The following BSND variants were observed in gnomAD, a reference collection of about 807,000 sequenced individuals.
The protein encoded by BSND is barttin CLCNK type accessory subunit beta, also known as barttin.
In BSND, 13 loss-of-function variants were observed where a neutral mutation model predicts 18.8. The observed-to-expected ratio is 0.69, with a 90% confidence interval of 0.45 to 1.10. The LOEUF (loss-of-function observed/expected upper bound fraction) is 1.10, where lower values mean the gene tolerates loss of function less well. Ranked by LOEUF, BSND falls within the 50% of genes least tolerant of loss-of-function variation. BSND has a pLI of 0.00. For missense variants in BSND, 379 were observed against 416.7 expected (o/e 0.91, Z 0.79); for synonymous variants, 170 against 161.8 (o/e 1.05, Z -0.39).
At chr1:55,007,731 C>G (rs944109914) in intron 3 of BSND, among the ~76,000 whole-genome samples, 3 of 151,600 alleles carry the variant, frequency 2.0e-5, no homozygotes, top group Non-Finnish European at 4.4e-5. Context: ...CCACTCCACT[C>G]CCATCCCTGT....
At chr1:55,007,406 GAGATGTGGC>G (rs1644397419) in intron 3 of BSND, 134 bp downstream of exon 3, 11 of 1,198,716 alleles carry the variant, frequency 9.2e-6, no homozygotes, top group Non-Finnish European at 1.3e-5. Context: ...GGGACACCCT[GAGATGTGGC>G]AGATGTGGCA....
chr1:55,002,136 C>T (rs1178143623), intron 1 of BSND, among the ~76,000 whole-genome samples: 1 of 152,192 alleles, frequency 6.6e-6, no homozygotes, highest in Non-Finnish European at 1.5e-5. Context: ...AAACACAAAG[C>T]TGTAGGAACT....
intron 1 of BSND, among the ~76,000 whole-genome samples, chr1:55,002,032 G>A (rs1330152540): frequency 6.6e-6 from 1 of 152,128 alleles, no homozygotes; most frequent in Non-Finnish European, 1.5e-5. Context: ...AAGACATCCA[G>A]AAGAAGGAAG....
rs1644431680 is a variant in BSND at position 55,013,298 on chromosome 1, G to A, written c.*4670G>A. ...CCTGCCTCAGCCTCCCAAGTAGCTA[G>A]GATTACAGGCGCCTGCCACCACACC... On this transcript the variant is annotated 3_prime_UTR_variant, in exon 4 of 4. Transcript: ENST00000651561. Among the ~76,000 whole-genome samples, 1 of 152,152 alleles carries A rather than the reference G, an allele frequency of 6.6e-6. No homozygotes were observed. The highest frequency in any genetic ancestry group is 1.9e-4 in the East Asian group (1 of 5,200).
chr1:55,001,569 A>G (rs1008202522), intron 1 of BSND, among the ~76,000 whole-genome samples: 13 of 152,300 alleles, frequency 8.5e-5, no homozygotes, highest in Admixed American at 8.5e-4. Flanking sequence ...TCTCTGTGCC[A>G]GACCTATGGA....
rs950488534 is a variant in BSND at position 55,016,047 on chromosome 1, C to G, written c.*7419C>G. On this transcript the variant is annotated 3_prime_UTR_variant, in exon 4 of 4. Coordinates refer to ENST00000651561, the MANE Select transcript of BSND (RefSeq NM_057176.3). ...GGAGAAGACGTGGGTGAGTGAGTGACTGGGGACTGGACCAGGGCGGGCTGT... is the reference window on the plus strand; with the variant it reads ...GGAGAAGACGTGGGTGAGTGAGTGAGTGGGGACTGGACCAGGGCGGGCTGT... 6.6e-6 allele frequency among the ~76,000 whole-genome samples: 1 copy of G among 152,190 alleles called. No homozygotes were observed. The highest frequency in any genetic ancestry group is 2.4e-5 in the African/African-American group (1 of 41,454).
At chr1:55,006,189 A>C (rs1398084776) in intron 2 of BSND, among the ~76,000 whole-genome samples, 1 of 152,150 alleles carries the variant, frequency 6.6e-6, no homozygotes, top group East Asian at 1.9e-4. Context: ...GTGGGAAGGA[A>C]GGGGATAGAC....
rs143638617 is a variant in BSND at position 55,007,861 on chromosome 1, T to C, written c.549-353T>C. On this transcript the variant is annotated intron_variant, in intron 3 of 3. Coordinates refer to ENST00000651561, the MANE Select transcript of BSND (RefSeq NM_057176.3). ...TACCCCTGAGGAGCTCTGAGTCCAA[T>C]GAGGGAGGCAAAGACACCCGGGGAC... Among the ~76,000 whole-genome samples, 30 of 152,260 alleles carry C rather than the reference T, an allele frequency of 2.0e-4. No homozygotes were observed. In the East Asian group the frequency reaches 5.8e-3, roughly 29 times the overall value.
chr1:55,013,438 C>G lies in BSND; in HGVS notation c.*4810C>G, dbSNP rs1227803759. 6.6e-6 allele frequency among the ~76,000 whole-genome samples: 1 copy of G among 152,182 alleles called. No homozygotes were observed. Among genetic ancestry groups the G allele is most frequent in the East Asian group, 1.9e-4 (1 of 5,200 alleles). On this transcript the variant is annotated 3_prime_UTR_variant, in exon 4 of 4. Coordinates refer to ENST00000651561, the MANE Select transcript of BSND (RefSeq NM_057176.3). ...TCAGCCTCCCAAAGTGCTGGCATTA[C>G]AGGTGTGAGTCACTGCACCCAGCTG...
chr1:55,003,676 G>T (rs1435854425), intron 1 of BSND, among the ~76,000 whole-genome samples: 1 of 152,144 alleles, frequency 6.6e-6, no homozygotes, highest in African/African-American at 2.4e-5. Context: ...ATTTTCAGCC[G>T]AGGAGAGCAA....
In BSND at chr1:55,013,082, C is replaced by T. The variant is rs1490101933; in HGVS notation, c.*4454C>T. Among the ~76,000 whole-genome samples, 2 of 152,212 alleles carry T rather than the reference C, an allele frequency of 1.3e-5. No homozygotes were observed. The highest frequency in any genetic ancestry group is 2.9e-5 in the Non-Finnish European group (2 of 68,048). On this transcript the variant is annotated 3_prime_UTR_variant, in exon 4 of 4. Coordinates refer to ENST00000651561, the MANE Select transcript of BSND (RefSeq NM_057176.3). ...CCACGTCATAAGACTCAACAATGCA[C>T]CTGTTGTGCTGTGCACACTTTTCTT...
chr1:55,005,462 A>G (rs955280062), intron 2 of BSND, among the ~76,000 whole-genome samples: 2 of 152,228 alleles, frequency 1.3e-5, no homozygotes, highest in African/African-American at 4.8e-5. Context: ...CTACTGACAA[A>G]CAAGAGGCAT....
In BSND at chr1:54,999,080, C is replaced by A; in HGVS notation, c.-107C>A. 3 of 1,386,398 alleles carry A rather than the reference C, an allele frequency of 2.2e-6. No individual in the cohort carries two copies. The highest frequency in any genetic ancestry group is 3.0e-6 in the Non-Finnish European group (3 of 993,396). 85.9% of individuals were successfully genotyped at this position (1,386,398 alleles called of 1,614,324 possible). A position where few individuals can be genotyped will look rare whatever the true frequency, so the allele number is the denominator to read the frequency against. Reference sequence around the variant, plus strand: ...TCTCCCTTGAAGCCTTGAGTTGCAGCGATTTCAGTGTCTTCTCTCCCTGTG... The same window carrying A: ...TCTCCCTTGAAGCCTTGAGTTGCAGAGATTTCAGTGTCTTCTCTCCCTGTG... On this transcript the variant is annotated 5_prime_UTR_variant, in exon 1 of 4. Transcript: ENST00000651561.
chr1:55,002,144 A>G (rs533153506), intron 1 of BSND, among the ~76,000 whole-genome samples: 1 of 152,342 alleles, frequency 6.6e-6, no homozygotes, highest in South Asian at 2.1e-4. Context: ...AGCTGTAGGA[A>G]CTAAGGTGAC....
intron 1 of BSND, among the ~76,000 whole-genome samples, chr1:55,001,201 CGTGTGTGTGTGTGTGT>C (rs36051858): frequency 8.8e-4 from 121 of 137,008 alleles, no homozygotes; most frequent in African/African-American, 3.1e-3. Flanking sequence ...ACAGTGGGAT[CGTGTGTGTGTGTGTGT>C]GTGTGTGTGT....
chr1:55,008,340 A>G lies in BSND; in HGVS notation c.675A>G (p.Gln225=). ...PHDREEACSP[Q]QEPQGCRCPL... ...ACAGGGAGGAAGCTTGTTCCCCACAACAGGAACCTCAGGGCTGCAGGTGCC... is the reference window on the plus strand; with the variant it reads ...ACAGGGAGGAAGCTTGTTCCCCACAGCAGGAACCTCAGGGCTGCAGGTGCC... Residue 225 remains glutamine, a synonymous_variant, in exon 4 of 4, where the codon CAA becomes CAG. Transcript: ENST00000651561. 1 of 1,614,190 alleles carries G rather than the reference A, an allele frequency of 6.2e-7. No individual in the cohort carries two copies. The highest frequency in any genetic ancestry group is 2.2e-5 in the East Asian group (1 of 44,880).
At chr1:55,002,843 G>C (rs1194552324) in intron 1 of BSND, among the ~76,000 whole-genome samples, 1 of 81,764 alleles carries the variant, frequency 1.2e-5, no homozygotes, top group Admixed American at 1.3e-4. Flanking sequence ...AATGATGATG[G>C]TAAAGATGGT....
At chr1:55,006,916 C>T (rs1644394021) in intron 2 of BSND, 81 bp from the exon 3 acceptor site, 1 of 1,603,540 alleles carries the variant, frequency 6.2e-7, no homozygotes, top group African/African-American at 1.3e-5. Flanking sequence ...GACCACATAC[C>T]CAAAGCAAAC....
At chr1:55,005,874 T>C (rs1370515678) in intron 2 of BSND, among the ~76,000 whole-genome samples, 2 of 152,156 alleles carry the variant, frequency 1.3e-5, no homozygotes, top group East Asian at 3.9e-4. Flanking sequence ...CACTCAGCAG[T>C]GGTGGAGGCG....
Sources: allele counts gnomAD v4.1 joint callset (sites outside exome capture counted in the v4.1 genomes callset), GRCh38; gene constraint gnomAD v4.1.1; transcripts MANE v1.5; gene names NCBI Gene and HGNC (gene_info 2026-07-23, HGNC 2026-07-21).